The following CCT8 variants were observed in gnomAD, a reference collection of about 807,000 sequenced individuals.
CCT8 encodes the protein T-complex protein 1 subunit theta.
Under a neutral mutation model 65.7 loss-of-function variants are expected in CCT8, and 10 were observed. The observed-to-expected ratio is 0.15, with a 90% CI of 0.09 to 0.26. CCT8 has a LOEUF of 0.26. Ranked by LOEUF, CCT8 falls within the 10% of genes least tolerant of loss-of-function variation. CCT8 has a pLI of 1.00. For missense variants in CCT8, 568 were observed against 669.1 expected (o/e 0.85, Z 1.67); for synonymous variants, 199 against 221.8 (o/e 0.90, Z 0.92).
At chr21:29,071,484 C>T (rs1276861743) in intron 1 of CCT8, among the ~76,000 whole-genome samples, 1 of 151,554 alleles carries the variant, frequency 6.6e-6, no homozygotes, top group Non-Finnish European at 1.5e-5. Context: ...CAACCTGGGC[C>T]TCCCGGGTTC....
intron 14 of CCT8, chr21:29,059,391 C>G (rs1465697806): frequency 1.3e-5 from 2 of 152,176 alleles, no homozygotes; most frequent in African/African-American, 4.8e-5. Flanking sequence ...ATAAAGCAGA[C>G]TTCCTAGTTT....
intron 14 of CCT8, 65 bp from the exon 15 acceptor site, chr21:29,056,617 T>G: frequency 2.1e-6 from 2 of 953,860 alleles, no homozygotes; most frequent in Non-Finnish European, 3.0e-6. Flanking sequence ...AAAAGAATGC[T>G]TCTATTAGCA....
intron 14 of CCT8, among the ~76,000 whole-genome samples, chr21:29,056,818 A>G (rs548739015): frequency 9.2e-5 from 14 of 152,332 alleles, no homozygotes; most frequent in Admixed American, 1.3e-4. Context: ...ATGCACTTCA[A>G]TAACTCAAAA....
chr21:29,060,465 T>A, intron 14 of CCT8, 76 bp downstream of exon 14: 1 of 1,450,316 alleles, frequency 6.9e-7, no homozygotes. Context: ...TATGCTATGT[T>A]CTAGTTCTGG....
intron 7 of CCT8, among the ~76,000 whole-genome samples, chr21:29,064,483 C>A (rs934811892): frequency 1.3e-5 from 2 of 151,138 alleles, no homozygotes; most frequent in Non-Finnish European, 2.9e-5. Flanking sequence ...ACCAGACCCC[C>A]CTCATGCTAC....
At chr21:29,067,456 C>T in intron 4 of CCT8, 100 bp downstream of exon 4, 1 of 893,400 alleles carries the variant, frequency 1.1e-6, no homozygotes, top group Non-Finnish European at 1.6e-6. Flanking sequence ...CTGCTCAGTG[C>T]ATGTTAGCTA....
chr21:29,067,533 G>C (rs369096061), intron 4 of CCT8, 23 bp downstream of exon 4: 2 of 1,432,848 alleles, frequency 1.4e-6, no homozygotes, highest in Non-Finnish European at 1.8e-6. Context: ...TTTAGTAGGA[G>C]TAAATTATAA....
chr21:29,062,658 T>G, intron 8 of CCT8, 102 bp from the exon 9 acceptor site: 1 of 848,202 alleles, frequency 1.2e-6, no homozygotes, highest in Non-Finnish European at 1.9e-6. Context: ...CCATGTCACA[T>G]TCCTTTGACA....
intron 3 of CCT8, among the ~76,000 whole-genome samples, 197 bp downstream of exon 3, chr21:29,069,226 G>C (rs1243310029): frequency 6.6e-6 from 1 of 152,108 alleles, no homozygotes; most frequent in East Asian, 1.9e-4. Context: ...AATAACTTGA[G>C]AGATTTTTAA....
chr21:29,069,865 T>C (rs921784635), intron 2 of CCT8, among the ~76,000 whole-genome samples: 1 of 152,256 alleles, frequency 6.6e-6, no homozygotes, highest in African/African-American at 2.4e-5. Context: ...TTTAGTTGTA[T>C]GTTTATTCCA....
chr21:29,060,412 G>A, intron 14 of CCT8, 129 bp downstream of exon 14: 2 of 863,806 alleles, frequency 2.3e-6, no homozygotes, highest in Non-Finnish European at 3.4e-6. Context: ...GGGGCACATA[G>A]TATCTCTAAT....
In CCT8 at chr21:29,067,606, G is replaced by A; in HGVS notation, c.331C>T (p.Leu111Phe). The A allele has an allele frequency of 6.9e-7, 1 of 1,444,404 alleles. No homozygotes were observed. The highest frequency in any genetic ancestry group is 9.1e-7 in the Non-Finnish European group (1 of 1,101,084). The allele number at this position is 1,444,404 out of a possible 1,614,324, so 89.5% of individuals were successfully genotyped here. Residue 111 changes from leucine (L) to phenylalanine (F), a missense_variant, in exon 4 of 15, where the codon CTC (leucine) becomes TTC (phenylalanine). Leu to Phe is a conservative substitution (Grantham distance 22). Coordinates refer to ENST00000286788, the MANE Select transcript of CCT8 (RefSeq NM_006585.4). The stretch of plus-strand genomic sequence containing the variant: ...AGAAGTTCTTCAGCTAATTCCAGGA[G>A]AGCTCCAGCAAATACCAGAACAAAG... ...TNFVLVFAGA[L>F]LELAEELLRI...
chr21:29,057,611 AAT>A (rs1051594665), intron 14 of CCT8, among the ~76,000 whole-genome samples: 4 of 146,426 alleles, frequency 2.7e-5, no homozygotes, highest in African/African-American at 7.4e-5. Flanking sequence ...AAAAACTAAA[AAT>A]ATATATATAT....
intron 1 of CCT8, chr21:29,073,305 G>C (rs774535000): frequency 7.2e-7 from 1 of 1,396,322 alleles, no homozygotes; most frequent in Non-Finnish European, 9.3e-7. Flanking sequence ...AATGTCGATC[G>C]TGCCGCCGAT....
At chr21:29,072,108 C>G in intron 1 of CCT8, 1 of 621,014 alleles carries the variant, frequency 1.6e-6, no homozygotes, top group Non-Finnish European at 2.9e-6. Context: ...TCGGGGGAAA[C>G]AGCCCAGGCT....
At chr21:29,057,446 T>TG (rs1474644555) in intron 14 of CCT8, among the ~76,000 whole-genome samples, 5 of 151,572 alleles carry the variant, frequency 3.3e-5, no homozygotes, top group Non-Finnish European at 5.9e-5. Flanking sequence ...ATTATAGGTG[T>TG]GAGCCACTGC....
chr21:29,066,263 G>A (rs557000597), intron 6 of CCT8, among the ~76,000 whole-genome samples: 3 of 152,166 alleles, frequency 2.0e-5, no homozygotes, highest in African/African-American at 7.2e-5. Flanking sequence ...TCAAAGGCCA[G>A]GCACGGTGGT....
intron 6 of CCT8, 33 bp from the exon 7 acceptor site, chr21:29,065,138 C>T: frequency 1.2e-6 from 2 of 1,605,540 alleles, no homozygotes; most frequent in Non-Finnish European, 1.7e-6. Context: ...CATCAGCAAT[C>T]TCCTGAAAAT....
chr21:29,068,892 T>C (rs2085653198), intron 3 of CCT8, among the ~76,000 whole-genome samples: 1 of 152,252 alleles, frequency 6.6e-6, no homozygotes, highest in Non-Finnish European at 1.5e-5. Flanking sequence ...GAATATGTTA[T>C]CCTTTAATTA....
Sources: allele counts gnomAD v4.1 joint callset (sites outside exome capture counted in the v4.1 genomes callset), GRCh38; gene constraint gnomAD v4.1.1; transcripts MANE v1.5; gene names NCBI Gene and HGNC (gene_info 2026-07-23, HGNC 2026-07-21).